Variants in MYC observed in about 807,000 individuals in gnomAD.
MYC encodes MYC proto-oncogene, bHLH transcription factor.
Under a neutral mutation model 30.5 loss-of-function variants are expected in MYC, and 1 was observed. That is an observed-to-expected ratio of 0.03 (90% CI 0.01 to 0.16). The LOEUF (loss-of-function observed/expected upper bound fraction) is 0.16. Ranked by LOEUF, MYC falls within the 10% of genes least tolerant of loss-of-function variation. The pLI is 1.00. For missense variants in MYC, 508 were observed against 589.0 expected, an observed-to-expected ratio of 0.86 and a Z score of 1.42; for synonymous variants, 267 against 250.7, an observed-to-expected ratio of 1.07 and a Z score of -0.62.
At chr8:127,737,837 C>A (rs909059074) in intron 1 of MYC, among the ~76,000 whole-genome samples, 1 of 152,182 alleles carries the variant, frequency 6.6e-6, no homozygotes, top group Non-Finnish European at 1.5e-5. Flanking sequence ...CCAGGCGCCT[C>A]TCGCCTTCTC....
Position 127,738,612 on chromosome 8 carries a change from G to A in MYC, c.395G>A (p.Cys132Tyr), listed in dbSNP as rs2130094929. 1 of 1,613,030 alleles carries A rather than the reference G, an allele frequency of 6.2e-7. No homozygotes were observed. The highest frequency in any genetic ancestry group is 8.5e-7 in the Non-Finnish European group (1 of 1,179,244). The change falls in exon 2 of 3, where the codon TGC becomes TAC. Residue 132 changes from cysteine to tyrosine, a missense_variant. Cys to Tyr is a radical substitution (Grantham distance 194). This residue lies in a region of MYC where 364 missense variants were observed against 381.1 expected (regional missense o/e 0.96). Transcript: ENST00000621592. This position sits in a 1 kb window ranked among gnomAD's most constrained non-coding sequence, Gnocchi z 7.6. ...GACATGGTGAACCAGAGTTTCATCT[G>A]CGACCCGGACGACGAGACCTTCATC...
At chr8:127,739,807 G>A (rs1813677143) in intron 2 of MYC, among the ~76,000 whole-genome samples, 1 of 152,046 alleles carries the variant, frequency 6.6e-6, no homozygotes, top group South Asian at 2.1e-4. Context: ...TGCTTTGGGT[G>A]TGTCCAAAGC....
In MYC at chr8:127,736,573, C is replaced by A; in HGVS notation, c.-21C>A. The A allele has an allele frequency of 6.2e-7, 1 of 1,614,168 alleles. No individual in the cohort carries two copies. The highest frequency in any genetic ancestry group is 8.5e-7 in the Non-Finnish European group (1 of 1,180,018). On this transcript the variant is annotated 5_prime_UTR_variant, in exon 1 of 3. Transcript: ENST00000621592. Reference sequence around the variant, plus strand: ...CCAGGACCCGCTTCTCTGAAAGGCTCTCCTTGCAGCTGCTTAGACGCTGGA... The same window carrying A: ...CCAGGACCCGCTTCTCTGAAAGGCTATCCTTGCAGCTGCTTAGACGCTGGA...
In MYC at chr8:127,738,129, G is replaced by A; in HGVS notation, c.31-119G>A. On this transcript the variant is annotated intron_variant, in intron 1 of 2. Coordinates refer to ENST00000621592, the MANE Select transcript of MYC (RefSeq NM_002467.6). The surrounding 1 kb of genome is among the most constrained non-coding windows in gnomAD (Gnocchi z 7.6). The stretch of plus-strand genomic sequence containing the variant: ...ACCAAGACCACCCAGCCGCTTTAGG[G>A]GATAGCTCTGCAAGGGGAGAGGTTC... 1 of 1,269,832 alleles carries A rather than the reference G, an allele frequency of 7.9e-7. No homozygotes were observed. The allele number at this position is 1,269,832 out of a possible 1,614,324, so 78.7% of individuals were successfully genotyped here. A position where few individuals can be genotyped will look rare whatever the true frequency, so the allele number is the denominator to read the frequency against.
intron 2 of MYC, among the ~76,000 whole-genome samples, chr8:127,739,334 C>A (rs1161568746): frequency 6.6e-6 from 1 of 152,180 alleles, no homozygotes; most frequent in Admixed American, 6.5e-5. Flanking sequence ...ATTTTAATTG[C>A]CCTGGGGCGG....
At position 127,740,987 on chromosome 8, in the gene MYC, AC is replaced by A; in HGVS notation, c.*30del. ...AAAGTAAGGAAAACGATTCCTTCTA[AC>A]AGAAATGTCCTGAGCAATCACCTAT... On this transcript the variant is annotated 3_prime_UTR_variant, in exon 3 of 3. Coordinates refer to ENST00000621592, the MANE Select transcript of MYC (RefSeq NM_002467.6). The A allele has an allele frequency of 6.6e-7, 1 of 1,520,794 alleles. No homozygotes were observed. Among genetic ancestry groups the A allele is most frequent in the South Asian group, 1.3e-5 (1 of 75,040 alleles). The allele number at this position is 1,520,794 out of a possible 1,614,324, so 94.2% of individuals were successfully genotyped here.
At chr8:127,736,039 C>T (rs1813580315), upstream of MYC, 1 of 398,980 alleles carries the variant, frequency 2.5e-6, no homozygotes, top group African/African-American at 2.1e-5. Context: ...CCCACCGGCC[C>T]TTTATAATGC....
At chr8:127,735,591 T>C (rs1813567766), upstream of MYC, 2 of 399,102 alleles carry the variant, frequency 5.0e-6, no homozygotes, top group Non-Finnish European at 4.4e-6. Flanking sequence ...AATACCCTTC[T>C]TTCCTCCACT....
rs1395199744 is a variant in MYC, at chr8:127,738,086, T to C, written c.31-162T>C. The stretch of plus-strand genomic sequence containing the variant: ...GGACTGTCCAAAGGGGGTGAAAGGG[T>C]GCTCCCTTTATTCCCCCACCAAGAC... On this transcript the variant is annotated intron_variant, in intron 1 of 2. Coordinates refer to ENST00000621592, the MANE Select transcript of MYC (RefSeq NM_002467.6). This position sits in a 1 kb window ranked among gnomAD's most constrained non-coding sequence, Gnocchi z 7.6. Among the ~76,000 whole-genome samples the C allele has an allele frequency of 6.6e-6, 1 of 150,704 alleles. No individual in the cohort carries two copies. Among genetic ancestry groups the C allele is most frequent in the Non-Finnish European group, 1.5e-5 (1 of 67,684 alleles).
chr8:127,738,750 A>G lies in MYC; in HGVS notation c.533A>G (p.Asn178Ser), dbSNP rs2130096149. 6.2e-7 allele frequency: 1 copy of G among 1,611,962 alleles called. No individual in the cohort carries two copies. The highest frequency in any genetic ancestry group is 8.5e-7 in the Non-Finnish European group (1 of 1,178,938). ...GCGCGCAAAGACAGCGGCAGCCCGA[A>G]CCCCGCCCGCGGCCACAGCGTCTGC... The change falls in exon 2 of 3, where the codon AAC (asparagine) becomes AGC (serine). Residue 178 changes from asparagine to serine, a missense_variant. By Grantham distance (46) the Asn-to-Ser change is conservative. Coordinates refer to ENST00000621592, the MANE Select transcript of MYC (RefSeq NM_002467.6). This position sits in a 1 kb window ranked among gnomAD's most constrained non-coding sequence, Gnocchi z 7.6.
In MYC at chr8:127,736,339, A is replaced by G; in HGVS notation, c.-255A>G. 1.7e-6 allele frequency: 1 copy of G among 592,404 alleles called. No individual in the cohort carries two copies. The highest frequency in any genetic ancestry group is 3.0e-6 in the Non-Finnish European group (1 of 333,738). The allele number at this position is 592,404 out of a possible 1,614,324, so 36.7% of individuals were successfully genotyped here. Reference sequence around the variant, plus strand: ...CGCTGCGGGCGTCCTGGGAAGGGAGATCCGGAGCGAATAGGGGGCTTCGCC... The same window carrying G: ...CGCTGCGGGCGTCCTGGGAAGGGAGGTCCGGAGCGAATAGGGGGCTTCGCC... On this transcript the variant is annotated 5_prime_UTR_variant, in exon 1 of 3. Transcript: ENST00000621592.
At chr8:127,739,071 C>T in intron 2 of MYC, 52 bp downstream of exon 2, 1 of 1,426,568 alleles carries the variant, frequency 7.0e-7, no homozygotes, top group Non-Finnish European at 9.2e-7. Flanking sequence ...GATACCTTTC[C>T]CATTTTCATT....
chr8:127,737,867 T>C (rs941840964), intron 1 of MYC, among the ~76,000 whole-genome samples: 3 of 152,156 alleles, frequency 2.0e-5, no homozygotes, highest in African/African-American at 2.4e-5. Flanking sequence ...GCGCAAAACT[T>C]TGTGCCTTGG....
Position 127,736,411 on chromosome 8 carries a change from C to G in MYC, c.-183C>G. 1.5e-6 allele frequency: 1 copy of G among 653,422 alleles called. No individual in the cohort carries two copies. The highest frequency in any genetic ancestry group is 2.7e-5 in the East Asian group (1 of 36,884). 40.5% of individuals were successfully genotyped at this position (653,422 alleles called of 1,614,324 possible). ...ATCCCCCAGCCAGCGGTCCGCAACC[C>G]TTGCCGCATCCACGAAACTTTGCCC... On this transcript the variant is annotated 5_prime_UTR_variant, in exon 1 of 3. Transcript: ENST00000621592.
At chr8:127,737,389 C>G (rs547562331) in intron 1 of MYC, among the ~76,000 whole-genome samples, 3 of 152,296 alleles carry the variant, frequency 2.0e-5, no homozygotes, top group African/African-American at 7.2e-5. Flanking sequence ...CCTGCCGCGG[C>G]CGCCCTCGGG....
intron 2 of MYC, among the ~76,000 whole-genome samples, chr8:127,740,048 C>G (rs1235798752): frequency 6.6e-6 from 1 of 151,666 alleles, no homozygotes; most frequent in African/African-American, 2.4e-5. Flanking sequence ...AACCTCCAAC[C>G]CCCTGGTTCA....
intron 2 of MYC, 40 bp from the exon 3 acceptor site, chr8:127,740,356 A>C (rs1372503340): frequency 6.4e-7 from 1 of 1,570,752 alleles, no homozygotes; most frequent in East Asian, 2.3e-5. Context: ...ATTTTAATGT[A>C]ACCTTGCTAA....
In MYC at chr8:127,742,505, TTTG is replaced by T. The variant is rs1192381206; in HGVS notation, c.*1553_*1555del. Among the ~76,000 whole-genome samples the T allele has an allele frequency of 2.6e-5, 4 of 152,182 alleles. No individual in the cohort carries two copies. The highest frequency in any genetic ancestry group is 4.4e-5 in the Non-Finnish European group (3 of 68,022). ...TTTTTGTGATTTATTTTGTTTTTAT[TTTG>T]TTGTTCATTGTTTAATTTTTCCTTT... On this transcript the variant is annotated 3_prime_UTR_variant, in exon 3 of 3. Transcript: ENST00000621592.
chr8:127,735,996 A>G (rs1223223350), upstream of MYC: 2 of 58,140 alleles, frequency 3.4e-5, no homozygotes, highest in Non-Finnish European at 6.3e-5. Context: ...GGCGTGGGGG[A>G]AAAGAAAAAA....
Sources: allele counts gnomAD v4.1 joint callset (sites outside exome capture counted in the v4.1 genomes callset), GRCh38; gene constraint gnomAD v4.1.1; regional missense constraint gnomAD v4.1.1; non-coding constraint Gnocchi (gnomAD v3.1); transcripts MANE v1.5; gene names NCBI Gene and HGNC (gene_info 2026-07-23, HGNC 2026-07-21).